The following UPP1 variants were observed in gnomAD, a reference collection of about 807,000 sequenced individuals.
UPP1 encodes the protein UPase 1.
Under a neutral mutation model 29.6 loss-of-function variants are expected in UPP1, and 25 were observed. That is an observed-to-expected ratio of 0.85 (90% CI 0.62 to 1.18). The LOEUF (loss-of-function observed/expected upper bound fraction) is 1.18. Ranked by LOEUF, UPP1 falls within the 50% of genes most tolerant of loss-of-function variation. The pLI is 0.00. For missense variants in UPP1, 368 were observed against 410.4 expected, an observed-to-expected ratio of 0.90 and a Z score of 0.89; for synonymous variants, 165 against 159.8, an observed-to-expected ratio of 1.03 and a Z score of -0.25.
intron 6 of UPP1, 45 bp downstream of exon 6, chr7:48,103,456 A>T (rs760505414): frequency 3.6e-5 from 55 of 1,524,792 alleles, no homozygotes; most frequent in Middle Eastern, 1.8e-4. Flanking sequence ...TGGATGAGGG[A>T]CTGGGGCATG....
chr7:48,107,500 C>A lies in UPP1; in HGVS notation c.786C>A (p.Gly262=). The A allele has an allele frequency of 6.2e-7, 1 of 1,606,934 alleles. No homozygotes were observed. The highest frequency in any genetic ancestry group is 1.1e-5 in the South Asian group (1 of 90,674). The change falls in exon 8 of 9, where the codon GGC becomes GGA. Residue 262 remains glycine, a synonymous_variant. Transcript: ENST00000395564. ...TTGCCGCCATGTGCAGCGCCTGCGG[C>A]CTCCAAGGTAAGCGGCACTTGATGG... The part of the protein sequence containing the change: ...SVFAAMCSAC[G]LQAAVVCVTL...
At chr7:48,099,171 G>A (rs1792284133) in intron 3 of UPP1, among the ~76,000 whole-genome samples, 1 of 152,112 alleles carries the variant, frequency 6.6e-6, no homozygotes, top group African/African-American at 2.4e-5. Context: ...CTGGAGAAGT[G>A]GTAGCTAGTG....
intron 4 of UPP1, among the ~76,000 whole-genome samples, chr7:48,100,017 G>A (rs1792336147): frequency 1.3e-5 from 2 of 152,218 alleles, no homozygotes; most frequent in South Asian, 2.1e-4. Context: ...TGCAAATTTA[G>A]TGCAGTCATG....
rs2230761 is a variant in UPP1 at position 48,107,042 on chromosome 7, A to G, written c.606A>G (p.Thr202=). The change falls in exon 7 of 9, where the codon ACA becomes ACG. Residue 202 remains threonine, a synonymous_variant. Transcript: ENST00000395564. Reference sequence around the variant, plus strand: ...CTGCAGAGCTGAGCGAGTTCACCACAGTGGTGGGGAACACCATGTGCACCT... The same window carrying G: ...CTGCAGAGCTGAGCGAGTTCACCACGGTGGTGGGGAACACCATGTGCACCT... The part of the protein sequence containing the change: ...LCSAELSEFT[T]VVGNTMCTLD... 9,255 of 1,612,346 alleles carry G rather than the reference A, an allele frequency of 5.7e-3. 343 individuals carry two copies. In the African/African-American group the frequency reaches 0.093, roughly 16 times the overall value.
chr7:48,103,280 T>C lies in UPP1; in HGVS notation c.322-17T>C. The stretch of plus-strand genomic sequence containing the variant: ...TCACAACCTTGGCTTAACATGGGTG[T>C]TTCTCCCTGGTTCCAGCATGGTATG... On this transcript the variant is annotated splice_polypyrimidine_tract_variant and intron_variant, in intron 5 of 8. Transcript: ENST00000395564. 6.2e-7 allele frequency: 1 copy of C among 1,607,010 alleles called. No homozygotes were observed. The highest frequency in any genetic ancestry group is 1.3e-5 in the African/African-American group (1 of 74,924).
intron 3 of UPP1, among the ~76,000 whole-genome samples, chr7:48,098,521 G>T (rs878977580): frequency 6.6e-6 from 1 of 152,178 alleles, no homozygotes; most frequent in African/African-American, 2.4e-5. Flanking sequence ...GTATACCAGT[G>T]TTAAAATATA....
chr7:48,108,194 T>G, intron 8 of UPP1, 24 bp from the exon 9 acceptor site: 1 of 1,604,192 alleles, frequency 6.2e-7, no homozygotes. Flanking sequence ...CACCTTGCCT[T>G]GATGTGGTCT....
chr7:48,097,609 A>C (rs1187299593), intron 3 of UPP1, among the ~76,000 whole-genome samples: 3 of 152,186 alleles, frequency 2.0e-5, no homozygotes, highest in Non-Finnish European at 4.4e-5. Context: ...TCTCAGAATC[A>C]AGGAGAAAAG....
Position 48,103,395 on chromosome 7 carries a change from C to T in UPP1, c.420C>T (p.Gly140=). Residue 140 remains glycine, a synonymous_variant, in exon 6 of 9, where the codon GGC becomes GGT. Transcript: ENST00000395564. ...RCSNVTIIRI[G]TSGGIGLEPG... is the part of the protein sequence containing the mutation. ...CCAACGTCACTATCATCCGCATTGG[C>T]ACTTCTGGTGGGATAGGTAAGGTCT... 2 of 1,613,802 alleles carry T rather than the reference C, an allele frequency of 1.2e-6. No individual in the cohort carries two copies. Among genetic ancestry groups the T allele is most frequent in the South Asian group, 2.2e-5 (2 of 91,084 alleles).
In UPP1 at chr7:48,108,464, G is replaced by A; in HGVS notation, c.*107G>A. On this transcript the variant is annotated 3_prime_UTR_variant, in exon 9 of 9. Coordinates refer to ENST00000395564, the MANE Select transcript of UPP1 (RefSeq NM_003364.4). ...TGAGCACACTTTACACAAGAATCTA[G>A]AAAATCAGATCGCGATTAAGAGACA... 1 of 1,332,098 alleles carries A rather than the reference G, an allele frequency of 7.5e-7. No individual in the cohort carries two copies. The highest frequency in any genetic ancestry group is 1.0e-6 in the Non-Finnish European group (1 of 994,546). The allele number at this position is 1,332,098 out of a possible 1,614,324, so 82.5% of individuals were successfully genotyped here.
At chr7:48,107,161 A>T in intron 7 of UPP1, 79 bp downstream of exon 7, 2 of 1,542,354 alleles carry the variant, frequency 1.3e-6, no homozygotes, top group Non-Finnish European at 8.9e-7. Context: ...CTCGCTGTGG[A>T]CTGGCGTTTC....
intron 3 of UPP1, among the ~76,000 whole-genome samples, chr7:48,099,440 C>G (rs1249760097): frequency 3.3e-5 from 5 of 152,072 alleles, no homozygotes; most frequent in Non-Finnish European, 5.9e-5. Context: ...TCCCTGTTGC[C>G]CTCCAAACAG....
At chr7:48,107,126 C>G in intron 7 of UPP1, 44 bp downstream of exon 7, 1 of 1,600,058 alleles carries the variant, frequency 6.2e-7, no homozygotes, top group Non-Finnish European at 8.5e-7. Flanking sequence ...CCAGGGAACC[C>G]TGGTCCGTCC....
intron 3 of UPP1, among the ~76,000 whole-genome samples, chr7:48,099,353 T>A (rs1175954762): frequency 1.3e-5 from 2 of 152,222 alleles, no homozygotes; most frequent in African/African-American, 4.8e-5. Context: ...GAGGAGCAAC[T>A]GGCTATACTC....
In UPP1 at chr7:48,103,415, A is replaced by C; in HGVS notation, c.436+4A>C. ...ATTGGCACTTCTGGTGGGATAGGTA[A>C]GGTCTGCAGAGGGGCCTCTTGCCCT... On this transcript the variant is annotated splice_donor_region_variant and intron_variant, in intron 6 of 8. Transcript: ENST00000395564. 6.2e-7 allele frequency: 1 copy of C among 1,611,130 alleles called. No homozygotes were observed. The highest frequency in any genetic ancestry group is 1.1e-5 in the South Asian group (1 of 91,022).
rs748388572 is a variant in UPP1 at position 48,103,374 on chromosome 7, C to T, written c.399C>T (p.Asn133=). Residue 133 remains asparagine, a synonymous_variant, in exon 6 of 9, where the codon AAC becomes AAT. Transcript: ENST00000395564. ...IKLLYYARCS[N]VTIIRIGTSG... ...TGCTGTACTATGCCCGGTGCTCCAA[C>T]GTCACTATCATCCGCATTGGCACTT... 3.2e-5 allele frequency: 51 copies of T among 1,613,992 alleles called. No individual in the cohort carries two copies. The highest frequency in any genetic ancestry group is 4.1e-5 in the Non-Finnish European group (48 of 1,179,872).
chr7:48,093,805 T>C (rs577153880), intron 2 of UPP1, among the ~76,000 whole-genome samples: 3 of 152,280 alleles, frequency 2.0e-5, no homozygotes, highest in South Asian at 2.1e-4. Flanking sequence ...CTGGAGCTGA[T>C]AACTTTTACC....
At chr7:48,090,891 A>G (rs1791793215) in intron 2 of UPP1, among the ~76,000 whole-genome samples, 1 of 152,228 alleles carries the variant, frequency 6.6e-6, no homozygotes, top group Non-Finnish European at 1.5e-5. Context: ...TCTTGGTTCC[A>G]ATACTTTCAG....
At position 48,108,377 on chromosome 7, in the gene UPP1, C is replaced by T. The variant is rs1410333095; in HGVS notation, c.*20C>T. 2 of 1,604,078 alleles carry T rather than the reference C, an allele frequency of 1.2e-6. No homozygotes were observed. Among genetic ancestry groups the T allele is most frequent in the Non-Finnish European group, 1.7e-6 (2 of 1,172,232 alleles). On this transcript the variant is annotated 3_prime_UTR_variant, in exon 9 of 9. Coordinates refer to ENST00000395564, the MANE Select transcript of UPP1 (RefSeq NM_003364.4). ...GCCTGAGCGCTGCCCTGCACCTCCG[C>T]AGACCTGCTGTGATGACTTGCCATT...
Sources: allele counts gnomAD v4.1 joint callset (sites outside exome capture counted in the v4.1 genomes callset), GRCh38; gene constraint gnomAD v4.1.1; transcripts MANE v1.5; gene names NCBI Gene and HGNC (gene_info 2026-07-23, HGNC 2026-07-21).